The following FOXN3 variants were observed in gnomAD, a reference collection of about 807,000 sequenced individuals.
The protein encoded by FOXN3 is forkhead box N3.
FOXN3 carries 7 observed loss-of-function variants against 38.4 expected under a neutral mutation model. The ratio of observed to expected loss-of-function variants is 0.18; its 90% CI spans 0.10 to 0.34. The LOEUF is 0.34. FOXN3 is among the 10% of genes least tolerant of loss of function. The pLI is 1.00. For synonymous variants in FOXN3, 230 were observed against 242.2 expected, an observed-to-expected ratio of 0.95 and a Z score of 0.47; for missense variants, 456 against 613.4, an observed-to-expected ratio of 0.74 and a Z score of 2.71.
chr14:89,542,191 C>T (rs925017997), intron 1 of FOXN3, among the ~76,000 whole-genome samples: 13 of 151,988 alleles, frequency 8.6e-5, no homozygotes, highest in African/African-American at 2.9e-4. Flanking sequence ...CAAGGGTTTG[C>T]GATAAAGGAT....
chr14:89,258,083 G>A (rs993976902), intron 4 of FOXN3, among the ~76,000 whole-genome samples: 2 of 151,916 alleles, frequency 1.3e-5, no homozygotes, highest in Admixed American at 6.6e-5. Context: ...ACACACACAC[G>A]CACTAGAGCC....
rs142032511 is a variant in FOXN3, at chr14:89,244,762, C to T, written c.745+36188G>A. On this transcript the variant is annotated intron_variant, in intron 4 of 5. Coordinates refer to ENST00000557258, the MANE Select transcript of FOXN3 (RefSeq NM_005197.4). ...AATCCGGTTACCCTTCAGATACGTA[C>T]AAAACAGTGTCAGTTTCTGGAGAGA... 6.4e-3 allele frequency among the ~76,000 whole-genome samples: 977 copies of T among 152,262 alleles called. 17 individuals carry two copies. Among genetic ancestry groups the T allele is most frequent in the African/African-American group, 0.022 (914 of 41,540 alleles).
chr14:89,316,073 G>A (rs1461977903), intron 3 of FOXN3, among the ~76,000 whole-genome samples: 1 of 152,192 alleles, frequency 6.6e-6, no homozygotes, highest in Non-Finnish European at 1.5e-5. Flanking sequence ...AAAGGAATCT[G>A]GCTTGGCCTC....
chr14:89,350,034 T>C (rs1254038431), intron 3 of FOXN3, among the ~76,000 whole-genome samples: 1 of 152,202 alleles, frequency 6.6e-6, no homozygotes, highest in Non-Finnish European at 1.5e-5. Context: ...TTTTGGAATC[T>C]AACATTAAGA....
intron 4 of FOXN3, among the ~76,000 whole-genome samples, chr14:89,234,992 C>G (rs1272894957): frequency 6.6e-6 from 1 of 152,194 alleles, no homozygotes; most frequent in African/African-American, 2.4e-5. Context: ...TGCCTCTGAC[C>G]TTTCCTGGCT....
intron 4 of FOXN3, among the ~76,000 whole-genome samples, chr14:89,237,669 T>C (rs1415940499): frequency 6.6e-6 from 1 of 152,178 alleles, no homozygotes; most frequent in Non-Finnish European, 1.5e-5. Context: ...AGCAAAGGCT[T>C]AACCGGAAAA....
chr14:89,288,066 A>AT (rs201249144), intron 3 of FOXN3, among the ~76,000 whole-genome samples: 2,992 of 62,076 alleles, frequency 0.048, 94 homozygotes, highest in African/African-American at 0.1. Context: ...GTCTCAAAAA[A>AT]AAATATATAT....
chr14:89,223,208 T>C (rs926487830), intron 4 of FOXN3: 1 of 152,438 alleles, frequency 6.6e-6, no homozygotes, highest in African/African-American at 2.4e-5. Context: ...TCTATGAGGA[T>C]GGGAGGCCGA....
chr14:89,496,423 C>T (rs1017049482), intron 1 of FOXN3, among the ~76,000 whole-genome samples: 26 of 152,134 alleles, frequency 1.7e-4, no homozygotes, highest in African/African-American at 2.9e-4. Flanking sequence ...CACTACACCC[C>T]GCGCCACCTT....
intron 3 of FOXN3, among the ~76,000 whole-genome samples, chr14:89,281,896 G>A (rs1364848147): frequency 6.6e-6 from 1 of 152,166 alleles, no homozygotes; most frequent in East Asian, 1.9e-4. Flanking sequence ...AATTATATTG[G>A]TTAATGCATT....
intron 4 of FOXN3, among the ~76,000 whole-genome samples, chr14:89,240,550 G>A (rs1885109998): frequency 6.6e-6 from 1 of 152,184 alleles, no homozygotes; most frequent in South Asian, 2.1e-4. Flanking sequence ...TGTATGCACT[G>A]ATACAGAGAA....
intron 3 of FOXN3, among the ~76,000 whole-genome samples, chr14:89,326,766 AACCACTT>A (rs1269513204): frequency 1.3e-5 from 2 of 152,358 alleles, no homozygotes; most frequent in South Asian, 2.1e-4. Flanking sequence ...GACAACCAGC[AACCACTT>A]ACCACTATTC....
At chr14:89,545,891 T>A (rs1894872606) in intron 1 of FOXN3, among the ~76,000 whole-genome samples, 1 of 152,166 alleles carries the variant, frequency 6.6e-6, no homozygotes, top group Non-Finnish European at 1.5e-5. Context: ...GCTCTGCCTG[T>A]CCATGGAACC....
chr14:89,397,712 G>A (rs1891136870), intron 2 of FOXN3, among the ~76,000 whole-genome samples: 1 of 152,148 alleles, frequency 6.6e-6, no homozygotes, highest in Admixed American at 6.5e-5. Flanking sequence ...GAGGAGCAAG[G>A]AAGTGTCAGA....
chr14:89,508,940 T>C (rs984348877), intron 1 of FOXN3, among the ~76,000 whole-genome samples: 2 of 152,136 alleles, frequency 1.3e-5, no homozygotes, highest in African/African-American at 4.8e-5. Context: ...AATAAAACAA[T>C]CGCTATGGAT....
In FOXN3 at chr14:89,236,470, A is replaced by C. The variant is rs564322334; in HGVS notation, c.745+44480T>G. ...GCGGAGCTTGCAGTGAGCCGAGATC[A>C]CGCCACTGCACTCCAGCCTGGGCAA... is the stretch of plus-strand genomic sequence containing the variant. On this transcript the variant is annotated intron_variant, in intron 4 of 5. Transcript: ENST00000557258. Among the ~76,000 whole-genome samples, 340 of 152,212 alleles carry C rather than the reference A, an allele frequency of 2.2e-3. 1 individual carries two copies. Among genetic ancestry groups the C allele is most frequent in the African/African-American group, 7.8e-3 (326 of 41,538 alleles).
At position 89,412,568 on chromosome 14, in the gene FOXN3, T is replaced by C; in HGVS notation, c.-14-78A>G. On this transcript the variant is annotated intron_variant, in intron 1 of 5. Transcript: ENST00000557258. This position sits in a 1 kb window ranked among gnomAD's most constrained non-coding sequence, Gnocchi z 4.7. ...GGCAGACTGTACCCCTCTGATCCTG[T>C]TGCCTCCCTCTGCCGCCTCTATGGA... The C allele has an allele frequency of 3.2e-6, 4 of 1,268,546 alleles. No individual in the cohort carries two copies. Among genetic ancestry groups the C allele is most frequent in the Middle Eastern group, 2.2e-4 (1 of 4,488 alleles). The allele number at this position is 1,268,546 out of a possible 1,614,324, so 78.6% of individuals were successfully genotyped here. A position where few individuals can be genotyped will look rare whatever the true frequency, so the allele number is the denominator to read the frequency against.
chr14:89,399,352 G>A (rs1237005858), intron 2 of FOXN3, among the ~76,000 whole-genome samples: 1 of 152,184 alleles, frequency 6.6e-6, no homozygotes, highest in African/African-American at 2.4e-5. Context: ...GGGCTGCAAA[G>A]AGGAGGCTAG....
Position 89,327,225 on chromosome 14 carries a change from T to C in FOXN3, c.680+23447A>G, listed in dbSNP as rs551125850. ...AGATTTATATACAAAGCAACTGAAA[T>C]ATGAAGAAGTACACTAAGGAGAGAA... is the stretch of plus-strand genomic sequence containing the variant. On this transcript the variant is annotated intron_variant, in intron 3 of 5. Coordinates refer to ENST00000557258, the MANE Select transcript of FOXN3 (RefSeq NM_005197.4). Among the ~76,000 whole-genome samples, 9 of 152,218 alleles carry C rather than the reference T, an allele frequency of 5.9e-5. No individual in the cohort carries two copies. The South Asian group carries it at 1.9e-3, about 32-fold the overall frequency.
Sources: gnomAD v4.1 joint callset for allele counts (sites outside exome capture counted in the v4.1 genomes callset) on GRCh38, gnomAD v4.1.1 for gene constraint, Gnocchi (gnomAD v3.1) non-coding constraint, MANE v1.5 for transcripts, NCBI Gene and HGNC (gene_info 2026-07-23, HGNC 2026-07-21) for gene names.